DLG2: variants seen among roughly 807,000 people sequenced by gnomAD.
The protein encoded by DLG2 is disks large homolog 2.
A neutral mutation model predicts 132.5 loss-of-function variants in DLG2; 45 were observed. The observed-to-expected ratio is 0.34, with a 90% CI of 0.27 to 0.44. DLG2 has a LOEUF of 0.44. Ranked by LOEUF, DLG2 falls within the 20% of genes least tolerant of loss-of-function variation. The pLI is 1.00. For missense variants in DLG2, 1,045 were observed against 1,196.9 expected (o/e 0.87, Z 1.87); for synonymous variants, 424 against 419.6 (o/e 1.01, Z -0.13).
intron 21 of DLG2, among the ~76,000 whole-genome samples, chr11:83,498,265 A>C (rs1411592702): frequency 6.6e-6 from 1 of 152,128 alleles, no homozygotes; most frequent in Non-Finnish European, 1.5e-5. Context: ...ATAGTTGCTG[A>C]CACTATAGTT....
chr11:83,965,770 T>C (rs1419362245), intron 12 of DLG2, among the ~76,000 whole-genome samples: 1 of 151,950 alleles, frequency 6.6e-6, no homozygotes, highest in Non-Finnish European at 1.5e-5. Context: ...GTTTCTATGA[T>C]AGAAAAGTAA....
At chr11:85,559,731 A>G (rs2077124853) in intron 3 of DLG2, among the ~76,000 whole-genome samples, 1 of 151,708 alleles carries the variant, frequency 6.6e-6, no homozygotes, top group Non-Finnish European at 1.5e-5. Context: ...CTGTTCATGT[A>G]GAAAACTAAC....
At chr11:83,593,445 G>T (rs1251854281) in intron 19 of DLG2, among the ~76,000 whole-genome samples, 1 of 151,820 alleles carries the variant, frequency 6.6e-6, no homozygotes, top group African/African-American at 2.4e-5. Context: ...ATTGAACAAT[G>T]AGATCACATG....
intron 6 of DLG2, among the ~76,000 whole-genome samples, chr11:84,717,748 C>A (rs2061385336): frequency 6.6e-6 from 1 of 151,944 alleles, no homozygotes; most frequent in African/African-American, 2.4e-5. Flanking sequence ...GTAATAAGCC[C>A]ACCTCAGTGA....
At chr11:85,268,472 T>A (rs757945973) in intron 4 of DLG2, among the ~76,000 whole-genome samples, 21 of 152,224 alleles carry the variant, frequency 1.4e-4, no homozygotes, top group Non-Finnish European at 2.6e-4. Context: ...TGTATAAAGC[T>A]AAGCTGTGCC....
intron 3 of DLG2, among the ~76,000 whole-genome samples, chr11:85,477,596 T>C (rs557079394): frequency 1.3e-4 from 20 of 152,338 alleles, no homozygotes; most frequent in Admixed American, 5.9e-4. Context: ...TTGTGTTAAA[T>C]TGCTGTATGT....
At chr11:84,316,221 T>A (rs1055632262) in intron 7 of DLG2, among the ~76,000 whole-genome samples, 3 of 152,210 alleles carry the variant, frequency 2.0e-5, no homozygotes, top group African/African-American at 7.2e-5. Flanking sequence ...TGCTTCTCCA[T>A]GAATAAATTA....
intron 6 of DLG2, among the ~76,000 whole-genome samples, chr11:84,949,524 C>A (rs895976743): frequency 7.0e-6 from 1 of 142,674 alleles, no homozygotes; most frequent in East Asian, 2.0e-4. Context: ...TACACCCTGG[C>A]GGGCGGGGGG....
chr11:84,493,463 C>G (rs1328660246), intron 7 of DLG2, among the ~76,000 whole-genome samples: 2 of 152,090 alleles, frequency 1.3e-5, no homozygotes, highest in African/African-American at 4.8e-5. Flanking sequence ...TCCTCTCCAA[C>G]CAGCCCCTGC....
At chr11:84,726,441 A>C (rs2062463822) in intron 6 of DLG2, among the ~76,000 whole-genome samples, 1 of 152,144 alleles carries the variant, frequency 6.6e-6, no homozygotes, top group Admixed American at 6.5e-5. Context: ...AAAGGACATA[A>C]AGTCACCCTT....
Position 85,389,561 on chromosome 11 carries a change from G to T in DLG2, c.41-104196C>A, listed in dbSNP as rs184182466. Among the ~76,000 whole-genome samples the T allele has an allele frequency of 1.4e-4, 21 of 152,238 alleles. 1 individual carries two copies. Among genetic ancestry groups the T allele is most frequent in the African/African-American group, 4.1e-4 (17 of 41,548 alleles). ...CATCACACAGGCACACAGTCATCAG[G>T]TTATCTAAAGTCAAGACAAAGGAAA... On this transcript the variant is annotated intron_variant, in intron 3 of 27. Coordinates refer to ENST00000376104, the MANE Select transcript of DLG2 (RefSeq NM_001142699.3).
intron 7 of DLG2, among the ~76,000 whole-genome samples, chr11:84,261,937 A>G (rs1014598512): frequency 3.3e-5 from 5 of 152,146 alleles, no homozygotes; most frequent in African/African-American, 9.7e-5. Flanking sequence ...GATGGTGTCC[A>G]TGTGTGAGCA....
At chr11:83,843,743 G>A (rs1285267788) in intron 16 of DLG2, among the ~76,000 whole-genome samples, 1 of 152,084 alleles carries the variant, frequency 6.6e-6, no homozygotes, top group African/African-American at 2.4e-5. Flanking sequence ...AATAATGTTT[G>A]TCTCATGGGG....
chr11:84,559,910 T>G (rs1039065794), intron 6 of DLG2, among the ~76,000 whole-genome samples: 1 of 152,124 alleles, frequency 6.6e-6, no homozygotes, highest in African/African-American at 2.4e-5. Flanking sequence ...CTCTAACATA[T>G]GGCACATGAC....
At chr11:84,380,344 T>G (rs1229059163) in intron 7 of DLG2, among the ~76,000 whole-genome samples, 1 of 151,902 alleles carries the variant, frequency 6.6e-6, no homozygotes, top group African/African-American at 2.4e-5. Context: ...TTTACAAAAA[T>G]TTACCCTATA....
chr11:85,459,320 G>C (rs1219112096), intron 3 of DLG2, among the ~76,000 whole-genome samples: 6 of 152,174 alleles, frequency 3.9e-5, no homozygotes, highest in African/African-American at 1.2e-4. Context: ...GCTTGTTGAG[G>C]AGTGGGGGTT....
At chr11:85,023,573 TACAC>T (rs1426772511) in intron 6 of DLG2, among the ~76,000 whole-genome samples, 1 of 151,976 alleles carries the variant, frequency 6.6e-6, no homozygotes, top group Non-Finnish European at 1.5e-5. Context: ...ATTAAATAAA[TACAC>T]AAACAAAATA....
At position 83,486,284 on chromosome 11, in the gene DLG2, T is replaced by A. The variant is rs927473865; in HGVS notation, c.2194-2056A>T. 2.2e-5 allele frequency: 15 copies of A among 685,594 alleles called. No individual in the cohort carries two copies. The African/African-American group carries it at 2.5e-4, about 11-fold the overall frequency. The allele number at this position is 685,594 out of a possible 1,614,324, so 42.5% of individuals were successfully genotyped here. Reference sequence around the variant, plus strand: ...TAAAAGAAAAAAAATCATGTAAGAATTAATGGCATGTGATACTGCAAGGTA... The same window carrying A: ...TAAAAGAAAAAAAATCATGTAAGAAATAATGGCATGTGATACTGCAAGGTA... On this transcript the variant is annotated intron_variant, in intron 21 of 27. Transcript: ENST00000376104.
chr11:85,542,911 G>A (rs1206221847), intron 3 of DLG2, among the ~76,000 whole-genome samples: 3 of 152,208 alleles, frequency 2.0e-5, no homozygotes, highest in African/African-American at 7.2e-5. Flanking sequence ...GGATTTAAAT[G>A]ATTTTGGAAG....
Sources: gnomAD v4.1 joint callset for allele counts (sites outside exome capture counted in the v4.1 genomes callset) on GRCh38, gnomAD v4.1.1 for gene constraint, MANE v1.5 for transcripts, NCBI Gene and HGNC (gene_info 2026-07-23, HGNC 2026-07-21) for gene names.